Variants in ROR1 observed in about 807,000 individuals in gnomAD.
ROR1 encodes the protein ROR family WNT receptor 1.
ROR1 carries 19 observed loss-of-function variants against 78.8 expected under a neutral mutation model. The ratio of observed to expected loss-of-function variants is 0.24; its 90% confidence interval spans 0.17 to 0.35. The LOEUF is 0.35. ROR1 is among the 10% of genes least tolerant of loss of function. ROR1 has a pLI of 1.00. For synonymous variants in ROR1, 386 were observed against 433.6 expected (o/e 0.89, Z 1.36); for missense variants, 917 against 1,177.8 (o/e 0.78, Z 3.24).
intron 4 of ROR1, among the ~76,000 whole-genome samples, chr1:64,072,756 A>G (rs1197804057): frequency 6.6e-6 from 1 of 152,030 alleles, no homozygotes; most frequent in East Asian, 1.9e-4. Context: ...CTGGTATATG[A>G]TCCTGACCCA....
chr1:63,831,793 A>G (rs565345891), intron 1 of ROR1, among the ~76,000 whole-genome samples: 60 of 152,244 alleles, frequency 3.9e-4, no homozygotes, highest in Non-Finnish European at 7.6e-4. Flanking sequence ...TTTCTTTTCT[A>G]CAACATGGTC....
chr1:64,009,460 CT>C, intron 2 of ROR1, 84 bp downstream of exon 2: 4 of 1,089,126 alleles, frequency 3.7e-6, no homozygotes, highest in East Asian at 2.4e-5. Context: ...TTGAAATCAA[CT>C]GTTTTTCAGA....
At chr1:63,815,825 G>A (rs1372759285) in intron 1 of ROR1, among the ~76,000 whole-genome samples, 1 of 151,976 alleles carries the variant, frequency 6.6e-6, no homozygotes, top group Non-Finnish European at 1.5e-5. Context: ...GTCCTGCCCA[G>A]GACCTACTGA....
At chr1:63,901,925 A>G in intron 1 of ROR1, among the ~76,000 whole-genome samples, 1 of 149,786 alleles carries the variant, frequency 6.7e-6, no homozygotes, top group Non-Finnish European at 1.5e-5. Flanking sequence ...CCTAAGACAT[A>G]TGGATAAAGA....
chr1:63,839,617 A>T (rs1419014861), intron 1 of ROR1, among the ~76,000 whole-genome samples: 2 of 152,166 alleles, frequency 1.3e-5, no homozygotes, highest in East Asian at 1.9e-4. Flanking sequence ...ACTAGGGCTC[A>T]TATTATAAAC....
At chr1:63,794,640 G>T (rs1418318626) in intron 1 of ROR1, among the ~76,000 whole-genome samples, 1 of 152,234 alleles carries the variant, frequency 6.6e-6, no homozygotes, top group Non-Finnish European at 1.5e-5. Flanking sequence ...GGAATCACCT[G>T]AAGGTCTTCT....
At chr1:64,111,850 G>A (rs1648111065) in intron 4 of ROR1, 1 of 152,142 alleles carries the variant, frequency 6.6e-6, no homozygotes, top group Non-Finnish European at 1.5e-5. Flanking sequence ...TTAGACCTGG[G>A]TTCACTTGCC....
chr1:63,775,381 G>T (rs1233899509), intron 1 of ROR1: 1 of 152,208 alleles, frequency 6.6e-6, no homozygotes, highest in Non-Finnish European at 1.5e-5. Flanking sequence ...GAGCCCGGCT[G>T]AGCCTGTGGA....
intron 1 of ROR1, among the ~76,000 whole-genome samples, chr1:63,898,366 A>AT (rs903483264): frequency 0.02 from 2,663 of 131,842 alleles, 61 homozygotes; most frequent in African/African-American, 0.062. Flanking sequence ...AGATGCTTAC[A>AT]TTTTTTTTTT....
At chr1:63,798,832 T>C (rs1644778392) in intron 1 of ROR1, among the ~76,000 whole-genome samples, 1 of 152,060 alleles carries the variant, frequency 6.6e-6, no homozygotes, top group African/African-American at 2.4e-5. Flanking sequence ...TCAGAAACGT[T>C]AAGCAAAAGT....
chr1:64,065,413 C>A (rs1167168107), intron 4 of ROR1, among the ~76,000 whole-genome samples: 1 of 152,180 alleles, frequency 6.6e-6, no homozygotes, highest in Non-Finnish European at 1.5e-5. Context: ...AAAGGACTCA[C>A]AACACTCAAA....
At chr1:63,792,117 G>T (rs2100239539) in intron 1 of ROR1, among the ~76,000 whole-genome samples, 1 of 152,240 alleles carries the variant, frequency 6.6e-6, no homozygotes, top group African/African-American at 2.4e-5. Flanking sequence ...AGTCTGGCAG[G>T]CCTCTAGGTT....
intron 8 of ROR1, among the ~76,000 whole-genome samples, chr1:64,168,387 A>C (rs1650145121): frequency 6.6e-6 from 1 of 152,260 alleles, no homozygotes; most frequent in Non-Finnish European, 1.5e-5. Context: ...AGCCATTATT[A>C]GGATCTCAGT....
chr1:64,084,993 A>G (rs1056361902), intron 4 of ROR1, among the ~76,000 whole-genome samples: 1 of 152,222 alleles, frequency 6.6e-6, no homozygotes, highest in Non-Finnish European at 1.5e-5. Context: ...AATCTTTCTC[A>G]TAGCATACTA....
chr1:63,960,871 G>A (rs551312876), intron 1 of ROR1, among the ~76,000 whole-genome samples: 21 of 152,312 alleles, frequency 1.4e-4, no homozygotes, highest in African/African-American at 5.1e-4. Context: ...AAGAGAGTAA[G>A]TGTAGAAGTG....
intron 1 of ROR1, among the ~76,000 whole-genome samples, chr1:63,806,531 A>G (rs1244482726): frequency 6.6e-6 from 1 of 152,112 alleles, no homozygotes; most frequent in Non-Finnish European, 1.5e-5. Context: ...GTTAGCCAGG[A>G]TGGTCTCGAT....
At chr1:63,776,648 C>T (rs986517560) in intron 1 of ROR1, among the ~76,000 whole-genome samples, 10 of 152,178 alleles carry the variant, frequency 6.6e-5, no homozygotes, top group African/African-American at 1.9e-4. Context: ...GGCCTGGTTT[C>T]GGGTCTGGTT....
intron 4 of ROR1, among the ~76,000 whole-genome samples, chr1:64,132,760 C>CAAAAAAAAA (rs749607703): frequency 1.4e-5 from 1 of 70,454 alleles, no homozygotes; most frequent in Admixed American, 2.1e-4. Context: ...GACTCCATCT[C>CAAAAAAAAA]AAAAAAAAAA....
At chr1:64,114,689 C>T (rs143698963) in intron 4 of ROR1, among the ~76,000 whole-genome samples, 94 of 152,158 alleles carry the variant, frequency 6.2e-4, no homozygotes, top group Non-Finnish European at 1.1e-3. Flanking sequence ...ACAATTCAAA[C>T]GGGTATCAAC....
Sources: gnomAD v4.1 joint callset for allele counts (sites outside exome capture counted in the v4.1 genomes callset) on GRCh38, gnomAD v4.1.1 for gene constraint, MANE v1.5 for transcripts, NCBI Gene and HGNC (gene_info 2026-07-23, HGNC 2026-07-21) for gene names.